The following NACC2 variants were observed in gnomAD, a reference collection of about 807,000 sequenced individuals.
The protein encoded by NACC2 is nucleus accumbens-associated protein 2.
Under a neutral mutation model 25.1 loss-of-function variants are expected in NACC2, and 8 were observed. The observed-to-expected ratio is 0.32, with a 90% CI of 0.19 to 0.57. NACC2 has a LOEUF of 0.57. NACC2 is among the 20% of genes least tolerant of loss of function. The pLI is 0.89. For missense variants in NACC2, 644 were observed against 650.2 expected (o/e 0.99, Z 0.10); for synonymous variants, 435 against 294.7 (o/e 1.48, Z -4.88).
chr9:136,076,167 T>C (rs1830261107), intron 1 of NACC2, among the ~76,000 whole-genome samples: 1 of 152,196 alleles, frequency 6.6e-6, no homozygotes, highest in African/African-American at 2.4e-5. Context: ...AAGTCTCCTA[T>C]ATGCAACCAA....
intron 1 of NACC2, among the ~76,000 whole-genome samples, chr9:136,094,792 G>A (rs1830470985): frequency 6.6e-6 from 1 of 151,976 alleles, no homozygotes; most frequent in Non-Finnish European, 1.5e-5. Flanking sequence ...CCCACCCGGA[G>A]GGCTGGATCG....
intron 3 of NACC2, among the ~76,000 whole-genome samples, chr9:136,015,527 G>A (rs1840186637): frequency 1.3e-5 from 2 of 152,210 alleles, no homozygotes; most frequent in South Asian, 2.1e-4. Flanking sequence ...TGAGGCACTC[G>A]TCCTGCTGGG....
rs980464242 is a variant in NACC2 at position 136,033,942 on chromosome 9, A to T, written c.886+15694T>A. Among the ~76,000 whole-genome samples the T allele has an allele frequency of 6.0e-3, 868 of 144,912 alleles. 5 individuals carry two copies. Among genetic ancestry groups the T allele is most frequent in the Non-Finnish European group, 9.3e-3 (606 of 65,298 alleles). On this transcript the variant is annotated intron_variant, in intron 2 of 5. Transcript: ENST00000277554. Reference sequence around the variant, plus strand: ...GTGTGTGTGTGTGTGTGTGTGTGTGAGATATTTGGCAATCTACTTCTGAAA... The same window carrying T: ...GTGTGTGTGTGTGTGTGTGTGTGTGTGATATTTGGCAATCTACTTCTGAAA...
intron 1 of NACC2, among the ~76,000 whole-genome samples, chr9:136,064,130 A>T (rs1472652151): frequency 6.6e-6 from 1 of 151,916 alleles, no homozygotes; most frequent in Non-Finnish European, 1.5e-5. Context: ...CTCTACAAAA[A>T]ATTCAAACAT....
At chr9:136,070,608 T>C (rs11103307) in intron 1 of NACC2, among the ~76,000 whole-genome samples, 73,744 of 149,844 alleles carry the variant, frequency 0.49, 19,300 homozygotes, top group Middle Eastern at 0.63. Flanking sequence ...CATTAATGGA[T>C]GTATTAGAAA....
chr9:136,013,057 C>A lies in NACC2; in HGVS notation c.1255+142G>T. ...GAGCTGCTCTTTTCTCCTCATCTTC[C>A]CCTCAATCAGACCATGCTCGGCCCC... On this transcript the variant is annotated intron_variant, in intron 5 of 5. Transcript: ENST00000277554. The surrounding 1 kb of genome is among the most constrained non-coding windows in gnomAD (Gnocchi z 6.6). The A allele has an allele frequency of 1.6e-6, 1 of 629,434 alleles. No homozygotes were observed. Among genetic ancestry groups the A allele is most frequent in the African/African-American group, 1.8e-5 (1 of 54,152 alleles). 39.0% of individuals were successfully genotyped at this position (629,434 alleles called of 1,614,324 possible).
At chr9:136,075,080 A>G (rs918863909) in intron 1 of NACC2, among the ~76,000 whole-genome samples, 2 of 152,216 alleles carry the variant, frequency 1.3e-5, no homozygotes, top group African/African-American at 4.8e-5. Context: ...GTTCTGCGTG[A>G]AATGAGCCGA....
rs535086698 is a variant in NACC2, at chr9:136,062,586, C to A, written c.-59-12006G>T. Among the ~76,000 whole-genome samples, 4 of 152,328 alleles carry A rather than the reference C, an allele frequency of 2.6e-5. No individual in the cohort carries two copies. The East Asian group carries it at 7.7e-4, about 29-fold the overall frequency. ...ATGAGTTAAATACATAATACCTGTT[C>A]TCTGTACGTTCACACCAGCCTCATT... On this transcript the variant is annotated intron_variant, in intron 1 of 5. Transcript: ENST00000277554.
intron 2 of NACC2, among the ~76,000 whole-genome samples, chr9:136,045,412 T>TCAC (rs1588569482): frequency 6.6e-6 from 1 of 151,978 alleles, no homozygotes; most frequent in African/African-American, 2.4e-5. Flanking sequence ...AGGGTTACCG[T>TCAC]GGAAGTGTGC....
At chr9:136,045,988 C>T (rs1243543113) in intron 2 of NACC2, among the ~76,000 whole-genome samples, 1 of 152,178 alleles carries the variant, frequency 6.6e-6, no homozygotes, top group Non-Finnish European at 1.5e-5. Context: ...TCAGATGCCC[C>T]CGAGCCCTGA....
intron 2 of NACC2, among the ~76,000 whole-genome samples, chr9:136,040,213 C>T (rs1273002866): frequency 2.6e-5 from 4 of 151,760 alleles, no homozygotes; most frequent in South Asian, 4.2e-4. Flanking sequence ...GGCGTGGTGG[C>T]GGGCACCTGT....
chr9:136,092,763 C>T (rs1478560122), intron 1 of NACC2, among the ~76,000 whole-genome samples: 1 of 152,216 alleles, frequency 6.6e-6, no homozygotes, highest in African/African-American at 2.4e-5. Flanking sequence ...TGTAGAAGGC[C>T]TTGGTTCTCC....
rs370308985 is a variant in NACC2, at chr9:136,084,844, C to G, written c.-60+10345G>C. Among the ~76,000 whole-genome samples the G allele has an allele frequency of 2.0e-5, 3 of 152,192 alleles. No individual in the cohort carries two copies. Among genetic ancestry groups the G allele is most frequent in the East Asian group, 3.8e-4 (2 of 5,196 alleles). ...AAATGAGCCAGTCACACGAGGACAC[C>G]CCCTGTGGGACTCCACTCACATGCA... On this transcript the variant is annotated intron_variant, in intron 1 of 5. Transcript: ENST00000277554. This position sits in a 1 kb window ranked among gnomAD's most constrained non-coding sequence, Gnocchi z 5.1.
At chr9:136,021,185 T>C (rs1275001742) in intron 2 of NACC2, among the ~76,000 whole-genome samples, 1 of 152,098 alleles carries the variant, frequency 6.6e-6, no homozygotes, top group Non-Finnish European at 1.5e-5. Context: ...TACTCAACAG[T>C]TAAAAACCAA....
chr9:136,016,675 G>A (rs888289354), intron 2 of NACC2, among the ~76,000 whole-genome samples: 11 of 152,288 alleles, frequency 7.2e-5, no homozygotes, highest in South Asian at 2.1e-4. Flanking sequence ...TCTTGTGAAC[G>A]AGTGAGCAGA....
rs920849262 is a variant in NACC2 at position 136,007,193 on chromosome 9, C to T, written c.*4323G>A. The stretch of plus-strand genomic sequence containing the variant: ...GGAAGCGACTGATCGGAATACGAGC[C>T]GGTCGTCCAGTCTGAATGCTTGCGA... On this transcript the variant is annotated 3_prime_UTR_variant, in exon 6 of 6. Transcript: ENST00000277554. 3 of 154,420 alleles carry T rather than the reference C, an allele frequency of 1.9e-5. No individual in the cohort carries two copies. Among genetic ancestry groups the T allele is most frequent in the East Asian group, 3.8e-4 (2 of 5,202 alleles). The allele number at this position is 154,420 out of a possible 1,614,324, so 9.6% of individuals were successfully genotyped here.
At chr9:136,033,077 G>A (rs1249387733) in intron 2 of NACC2, among the ~76,000 whole-genome samples, 1 of 151,930 alleles carries the variant, frequency 6.6e-6, no homozygotes, top group African/African-American at 2.4e-5. Flanking sequence ...TTGGGAGGCT[G>A]AGGTAGGAGA....
At position 136,014,482 on chromosome 9, in the gene NACC2, T is replaced by C. The variant is rs148761504; in HGVS notation, c.1052-513A>G. 8.1e-3 allele frequency among the ~76,000 whole-genome samples: 1,232 copies of C among 152,096 alleles called. 26 individuals are homozygous for C. The highest frequency in any genetic ancestry group is 0.017 in the Middle Eastern group (5 of 294). On this transcript the variant is annotated intron_variant, in intron 3 of 5. Coordinates refer to ENST00000277554, the MANE Select transcript of NACC2 (RefSeq NM_144653.5). Reference sequence around the variant, plus strand: ...CCATGCCCAGTTAATTTTGATGAAGTCTCCCTATGTTGCCCAGACTGGTCT... The same window carrying C: ...CCATGCCCAGTTAATTTTGATGAAGCCTCCCTATGTTGCCCAGACTGGTCT...
Position 136,011,306 on chromosome 9 carries a change from G to A in NACC2, c.*210C>T, listed in dbSNP as rs993537050. ...AAAAGGGAGCCCTGGGAACTTCCTC[G>A]CAGGAGGCTGCCAGTGGCCTAATTG... On this transcript the variant is annotated 3_prime_UTR_variant, in exon 6 of 6. Coordinates refer to ENST00000277554, the MANE Select transcript of NACC2 (RefSeq NM_144653.5). 1.7e-5 allele frequency: 8 copies of A among 462,144 alleles called. No homozygotes were observed. The highest frequency in any genetic ancestry group is 6.1e-4 in the Middle Eastern group (1 of 1,632). The allele number at this position is 462,144 out of a possible 1,614,324, so 28.6% of individuals were successfully genotyped here.
Sources: allele counts gnomAD v4.1 joint callset (sites outside exome capture counted in the v4.1 genomes callset), GRCh38; gene constraint gnomAD v4.1.1; non-coding constraint Gnocchi (gnomAD v3.1); transcripts MANE v1.5; gene names NCBI Gene and HGNC (gene_info 2026-07-23, HGNC 2026-07-21).